The following SORCS3 variants were observed in gnomAD, a reference collection of about 807,000 sequenced individuals.
The protein encoded by SORCS3 is sortilin related VPS10 domain containing receptor 3.
Under a neutral mutation model 146.3 loss-of-function variants are expected in SORCS3, and 57 were observed. The ratio of observed to expected loss-of-function variants is 0.39; its 90% CI spans 0.31 to 0.49. SORCS3 has a LOEUF of 0.49. SORCS3 is among the 20% of genes least tolerant of loss of function. The probability of loss-of-function intolerance (pLI) is 0.92; values close to 1 mark genes in which losing one functional copy is unlikely to be tolerated. For synonymous variants in SORCS3, 653 were observed against 618.5 expected (o/e 1.06, Z -0.83); for missense variants, 1,341 against 1,575.5 (o/e 0.85, Z 2.52).
At chr10:104,920,409 G>A (rs962851926) in intron 3 of SORCS3, among the ~76,000 whole-genome samples, 6 of 152,234 alleles carry the variant, frequency 3.9e-5, no homozygotes, top group Non-Finnish European at 8.8e-5. Flanking sequence ...GAAGGAAGCA[G>A]AGGTGTTAAC....
intron 2 of SORCS3, among the ~76,000 whole-genome samples, chr10:104,865,539 G>T (rs1040781615): frequency 6.6e-5 from 10 of 152,004 alleles, no homozygotes; most frequent in African/African-American, 1.2e-4. Context: ...TAAAACCAGC[G>T]CACTTTCAGA....
At chr10:105,172,556 C>T (rs753575487) in intron 13 of SORCS3, among the ~76,000 whole-genome samples, 31 of 152,188 alleles carry the variant, frequency 2.0e-4, no homozygotes, top group Middle Eastern at 3.4e-3. Context: ...TTCTGGTAGT[C>T]GATAAATAGC....
intron 7 of SORCS3, among the ~76,000 whole-genome samples, chr10:105,120,464 C>T (rs890097954): frequency 5.3e-5 from 8 of 152,136 alleles, no homozygotes; most frequent in African/African-American, 1.7e-4. Flanking sequence ...CCCAATGTTC[C>T]CTGCTCCTCT....
intron 4 of SORCS3, among the ~76,000 whole-genome samples, chr10:104,984,034 T>G (rs2054947831): frequency 6.6e-6 from 1 of 152,146 alleles, no homozygotes; most frequent in South Asian, 2.1e-4. Context: ...GAGAATTACT[T>G]GCGTGCTTTT....
intron 5 of SORCS3, among the ~76,000 whole-genome samples, chr10:105,082,814 C>T (rs1326455007): frequency 6.6e-6 from 1 of 152,074 alleles, no homozygotes; most frequent in Non-Finnish European, 1.5e-5. Flanking sequence ...CACTGCAACC[C>T]CTGCCTCCGA....
intron 1 of SORCS3, among the ~76,000 whole-genome samples, chr10:104,835,195 G>A (rs910850603): frequency 6.6e-6 from 1 of 152,096 alleles, no homozygotes; most frequent in African/African-American, 2.4e-5. Flanking sequence ...CTCCCTGCAG[G>A]GGAGGCTCCT....
At chr10:105,245,457 G>A (rs1030787618) in intron 20 of SORCS3, 85 bp from the exon 21 acceptor site, 1 of 1,505,458 alleles carries the variant, frequency 6.6e-7, no homozygotes, top group African/African-American at 1.4e-5. Context: ...TTCCAAGTTA[G>A]GATGACAGTC....
At chr10:105,196,899 A>C (rs1297188649) in intron 14 of SORCS3, among the ~76,000 whole-genome samples, 1 of 152,174 alleles carries the variant, frequency 6.6e-6, no homozygotes, top group Non-Finnish European at 1.5e-5. Flanking sequence ...TAGAGTCCAC[A>C]ATCAAAAGGT....
intron 17 of SORCS3, among the ~76,000 whole-genome samples, chr10:105,213,368 A>T (rs1589691312): frequency 6.6e-6 from 1 of 152,284 alleles, no homozygotes; most frequent in Non-Finnish European, 1.5e-5. Flanking sequence ...TGTTTTTGAA[A>T]CCACCATAGG....
intron 6 of SORCS3, among the ~76,000 whole-genome samples, chr10:105,091,147 C>CCCCTT (rs766599897): frequency 1.6e-5 from 2 of 121,910 alleles, no homozygotes; most frequent in Admixed American, 1.8e-4. Context: ...CCTTTCCTTG[C>CCCCTT]CCCTTCCCTT....
rs540586505 is a variant in SORCS3 at position 105,131,455 on chromosome 10, A to C, written c.1213-7942A>C. ...AATACGACAGCTCTCGTGTAAGCCC[A>C]ATTATGGTTCGTATTCACAAATTCC... is the stretch of plus-strand genomic sequence containing the variant. On this transcript the variant is annotated intron_variant, in intron 7 of 26. Transcript: ENST00000369701. 1.3e-4 allele frequency among the ~76,000 whole-genome samples: 20 copies of C among 152,292 alleles called. No individual in the cohort carries two copies. In the South Asian group the frequency reaches 3.9e-3, roughly 30 times the overall value.
At chr10:105,040,197 T>C (rs768192589) in intron 4 of SORCS3, among the ~76,000 whole-genome samples, 1 of 152,164 alleles carries the variant, frequency 6.6e-6, no homozygotes, top group Non-Finnish European at 1.5e-5. Context: ...TATGGATATA[T>C]TCTTCCCAAT....
At chr10:104,867,333 G>A (rs2018470844) in intron 2 of SORCS3, among the ~76,000 whole-genome samples, 1 of 147,900 alleles carries the variant, frequency 6.8e-6, no homozygotes, top group East Asian at 2.0e-4. Flanking sequence ...TTTTTGAGAC[G>A]AAGTCTCGCT....
rs1265243393 is a variant in SORCS3 at position 104,696,466 on chromosome 10, T to TATATATA, written c.627+54517_627+54518insTAATATA. Among the ~76,000 whole-genome samples, 38 of 60,992 alleles carry TATATATA rather than the reference T, an allele frequency of 6.2e-4. 2 individuals carry two copies. Among genetic ancestry groups the TATATATA allele is most frequent in the East Asian group, 2.0e-3 (3 of 1,518 alleles). 40.0% of individuals were successfully genotyped at this position (60,992 alleles called of 152,430 possible). ...AATATATAGAATATAGAATATATAA[T>TATATATA]ATATAGAATATAGAATATATAATAT... is the stretch of plus-strand genomic sequence containing the variant. On this transcript the variant is annotated intron_variant, in intron 1 of 26. Transcript: ENST00000369701.
intron 3 of SORCS3, among the ~76,000 whole-genome samples, chr10:104,919,295 C>T (rs2019063248): frequency 6.6e-6 from 1 of 152,072 alleles, no homozygotes; most frequent in Non-Finnish European, 1.5e-5. Context: ...GCACTGCCAC[C>T]CAGAAAGTTA....
intron 2 of SORCS3, among the ~76,000 whole-genome samples, chr10:104,872,582 G>A (rs1468138325): frequency 1.8e-5 from 1 of 54,420 alleles, no homozygotes; most frequent in Non-Finnish European, 3.8e-5. Flanking sequence ...TTTTTTTTTT[G>A]CAAACATCCC....
At chr10:104,678,517 G>C (rs976841067) in intron 1 of SORCS3, among the ~76,000 whole-genome samples, 1 of 152,148 alleles carries the variant, frequency 6.6e-6, no homozygotes, top group Non-Finnish European at 1.5e-5. Flanking sequence ...TGGAAAGTGA[G>C]TTAGACTGGA....
intron 3 of SORCS3, among the ~76,000 whole-genome samples, chr10:104,962,314 G>A (rs1034763530): frequency 2.0e-5 from 3 of 152,188 alleles, no homozygotes; most frequent in African/African-American, 4.8e-5. Flanking sequence ...TGTTGAAGAG[G>A]TCAAGCCTGA....
intron 7 of SORCS3, among the ~76,000 whole-genome samples, chr10:105,135,951 G>A (rs754474317): frequency 1.3e-5 from 2 of 151,972 alleles, no homozygotes; most frequent in Non-Finnish European, 2.9e-5. Flanking sequence ...TCTGAAGAAG[G>A]GTCCTCACCA....
Sources: gnomAD v4.1 joint callset for allele counts (sites outside exome capture counted in the v4.1 genomes callset) on GRCh38, gnomAD v4.1.1 for gene constraint, MANE v1.5 for transcripts, NCBI Gene and HGNC (gene_info 2026-07-23, HGNC 2026-07-21) for gene names.